Variants in ZBTB7C observed in about 807,000 individuals in gnomAD.
ZBTB7C encodes the protein zinc finger and BTB domain-containing protein 7C.
A neutral mutation model predicts 25.7 loss-of-function variants in ZBTB7C; 8 were observed. That is an observed-to-expected ratio of 0.31 (90% CI 0.18 to 0.56). The LOEUF is 0.56. Ranked by LOEUF, ZBTB7C falls within the 20% of genes least tolerant of loss-of-function variation. The probability of loss-of-function intolerance (pLI) is 0.91; values close to 1 mark genes in which losing one functional copy is unlikely to be tolerated. For synonymous variants in ZBTB7C, 394 were observed against 369.0 expected (o/e 1.07, Z -0.78); for missense variants, 824 against 855.2 (o/e 0.96, Z 0.46).
chr18:48,268,567 A>G (rs1219229241), intron 2 of ZBTB7C, among the ~76,000 whole-genome samples: 1 of 152,108 alleles, frequency 6.6e-6, no homozygotes, highest in Non-Finnish European at 1.5e-5. Flanking sequence ...GAACTTGATT[A>G]GATATCAAGG....
intron 2 of ZBTB7C, among the ~76,000 whole-genome samples, chr18:48,248,294 C>T (rs1329525830): frequency 6.6e-6 from 1 of 152,212 alleles, no homozygotes; most frequent in Middle Eastern, 3.2e-3. Flanking sequence ...TCAATTAAAC[C>T]TCTCTTCTCT....
rs140283986 is a variant in ZBTB7C at position 48,084,325 on chromosome 18, G to A, written c.-16-43202C>T. 4.6e-3 allele frequency among the ~76,000 whole-genome samples: 694 copies of A among 152,300 alleles called. 4 individuals carry two copies. Among genetic ancestry groups the A allele is most frequent in the African/African-American group, 0.016 (653 of 41,556 alleles). On this transcript the variant is annotated intron_variant, in intron 3 of 4. Coordinates refer to ENST00000590800, the MANE Select transcript of ZBTB7C (RefSeq NM_001318841.2). ...AGATGATATGCCATCCCCTCCCCACGATGGGGGCTTAGGTCTCTTCGCCCT... is the reference window on the plus strand; with the variant it reads ...AGATGATATGCCATCCCCTCCCCACAATGGGGGCTTAGGTCTCTTCGCCCT...
chr18:48,162,350 G>T, intron 3 of ZBTB7C: 1 of 456,486 alleles, frequency 2.2e-6, no homozygotes, highest in Non-Finnish European at 4.4e-6. Context: ...TCACCTACCT[G>T]CTGGGTGACC....
chr18:48,395,445 T>G (rs1181761405), intron 1 of ZBTB7C, among the ~76,000 whole-genome samples: 1 of 133,290 alleles, frequency 7.5e-6, no homozygotes, highest in African/African-American at 3.1e-5. Flanking sequence ...GATGTGTGCA[T>G]GTGTGTTCTA....
At chr18:48,123,221 T>A (rs1338224752) in intron 3 of ZBTB7C, among the ~76,000 whole-genome samples, 1 of 152,128 alleles carries the variant, frequency 6.6e-6, no homozygotes, top group Non-Finnish European at 1.5e-5. Context: ...GAAAGCAATA[T>A]AGGATATACT....
intron 2 of ZBTB7C, among the ~76,000 whole-genome samples, chr18:48,212,504 G>C (rs2042725374): frequency 6.6e-6 from 1 of 152,076 alleles, no homozygotes. Flanking sequence ...ATGTGTCACT[G>C]TAGGTTCATT....
chr18:48,063,016 A>G (rs1466632684), intron 3 of ZBTB7C, among the ~76,000 whole-genome samples: 1 of 152,228 alleles, frequency 6.6e-6, no homozygotes, highest in Admixed American at 6.5e-5. Flanking sequence ...TGACTCTGCC[A>G]GCCAGCAACC....
chr18:48,101,059 TCCTCCTTGCTCCCTGGGGAAGGAGCCAGC>T (rs147965023), intron 3 of ZBTB7C, among the ~76,000 whole-genome samples: 3,147 of 152,164 alleles, frequency 0.021, 36 homozygotes, highest in Non-Finnish European at 0.031. Context: ...CCTCTCTGAC[TCCTCCTTGCTCCCTGGGGAAGGAGCCAGC>T]CCACAGGCCC....
intron 2 of ZBTB7C, among the ~76,000 whole-genome samples, chr18:48,270,707 A>T (rs1395203529): frequency 4.0e-5 from 6 of 149,614 alleles, no homozygotes; most frequent in African/African-American, 9.7e-5. Flanking sequence ...AAAAAAAAAA[A>T]ATTTTTATAT....
intron 3 of ZBTB7C, among the ~76,000 whole-genome samples, chr18:48,146,794 G>C (rs2040509873): frequency 6.6e-6 from 1 of 152,198 alleles, no homozygotes; most frequent in Non-Finnish European, 1.5e-5. Flanking sequence ...ACTTGCTGTT[G>C]ATATGTCCTA....
At chr18:48,324,304 C>T (rs1282601906) in intron 2 of ZBTB7C, among the ~76,000 whole-genome samples, 2 of 152,136 alleles carry the variant, frequency 1.3e-5, no homozygotes, top group African/African-American at 4.8e-5. Context: ...CAAGGGAAGC[C>T]ATCACCCCAA....
intron 2 of ZBTB7C, among the ~76,000 whole-genome samples, chr18:48,262,517 G>T (rs968695023): frequency 1.3e-4 from 20 of 152,158 alleles, no homozygotes; most frequent in African/African-American, 4.8e-4. Flanking sequence ...TATGAAACCA[G>T]GGCTCATATA....
At chr18:48,074,335 C>A (rs2037675207) in intron 3 of ZBTB7C, among the ~76,000 whole-genome samples, 2 of 152,208 alleles carry the variant, frequency 1.3e-5, no homozygotes, top group African/African-American at 4.8e-5. Flanking sequence ...TTTCTAAGGT[C>A]ACCCTCCATC....
At chr18:48,245,689 C>T (rs1261370689) in intron 2 of ZBTB7C, among the ~76,000 whole-genome samples, 1 of 152,028 alleles carries the variant, frequency 6.6e-6, no homozygotes, top group Admixed American at 6.6e-5. Context: ...GGAAACAGGA[C>T]ATCCAAACAG....
At chr18:48,126,214 A>T (rs2039794247) in intron 3 of ZBTB7C, among the ~76,000 whole-genome samples, 1 of 152,202 alleles carries the variant, frequency 6.6e-6, no homozygotes, top group Admixed American at 6.5e-5. Flanking sequence ...AAAATCCATT[A>T]TGAGATAATT....
chr18:48,076,871 G>C (rs961298184), intron 3 of ZBTB7C: 2 of 930,958 alleles, frequency 2.1e-6, no homozygotes, highest in Admixed American at 1.2e-4. Flanking sequence ...CCCAAAGCCC[G>C]AACCATGATC....
chr18:48,202,956 C>A (rs1369650754), intron 2 of ZBTB7C, among the ~76,000 whole-genome samples: 1 of 152,006 alleles, frequency 6.6e-6, no homozygotes, highest in Non-Finnish European at 1.5e-5. Context: ...CCCACCTACG[C>A]CCCTGGCCTT....
chr18:48,326,255 C>T (rs1383885179), intron 2 of ZBTB7C, among the ~76,000 whole-genome samples: 1 of 152,022 alleles, frequency 6.6e-6, no homozygotes, highest in Non-Finnish European at 1.5e-5. Flanking sequence ...GCTACCATGG[C>T]CAGCTAATTT....
chr18:48,215,881 A>G (rs1183998479), intron 2 of ZBTB7C, among the ~76,000 whole-genome samples: 3 of 152,228 alleles, frequency 2.0e-5, no homozygotes, highest in African/African-American at 7.2e-5. Context: ...ATTTTGGGGT[A>G]AAGTACTTTG....
Sources: gnomAD v4.1 joint callset for allele counts (sites outside exome capture counted in the v4.1 genomes callset) on GRCh38, gnomAD v4.1.1 for gene constraint, MANE v1.5 for transcripts, NCBI Gene and HGNC (gene_info 2026-07-23, HGNC 2026-07-21) for gene names.